The following RAB14 variants were observed in gnomAD, a reference collection of about 807,000 sequenced individuals.
The protein encoded by RAB14 is ras-related protein Rab-14.
In RAB14, 3 loss-of-function variants were observed where a neutral mutation model predicts 31.1. That is an observed-to-expected ratio of 0.10 (90% CI 0.04 to 0.25). The LOEUF (loss-of-function observed/expected upper bound fraction) is 0.25. RAB14 is among the 10% of genes least tolerant of loss of function. The pLI is 1.00. For missense variants in RAB14, 111 were observed against 260.1 expected (o/e 0.43, Z 3.94); for synonymous variants, 85 against 84.9 (o/e 1.00, Z 0.00).
rs1001880799 is a variant in RAB14 at position 121,178,187 on chromosome 9, G to A, written c.*3209C>T. Reference sequence around the variant, plus strand: ...ACAGTTATTTGGCTAGACGTGAACCGTTAAGATACGGGATCAATGGAGTTA... The same window carrying A: ...ACAGTTATTTGGCTAGACGTGAACCATTAAGATACGGGATCAATGGAGTTA... On this transcript the variant is annotated 3_prime_UTR_variant, in exon 8 of 8. Coordinates refer to ENST00000373840, the MANE Select transcript of RAB14 (RefSeq NM_016322.4). 2 of 152,196 alleles carry A rather than the reference G, an allele frequency of 1.3e-5. No individual in the cohort carries two copies. The highest frequency in any genetic ancestry group is 2.9e-5 in the Non-Finnish European group (2 of 68,042). 9.4% of individuals were successfully genotyped at this position (152,196 alleles called of 1,614,324 possible). A position where few individuals can be genotyped will look rare whatever the true frequency, so the allele number is the denominator to read the frequency against.
chr9:121,201,462 C>A (rs1274343618), intron 1 of RAB14, among the ~76,000 whole-genome samples, 177 bp downstream of exon 1: 2 of 152,046 alleles, frequency 1.3e-5, no homozygotes. Context: ...GGAGTCCTGT[C>A]AGGCCGGCGC....
Position 121,180,048 on chromosome 9 carries a change from T to C in RAB14, c.*1348A>G. 6.5e-6 allele frequency: 1 copy of C among 152,674 alleles called. No individual in the cohort carries two copies. Among genetic ancestry groups the C allele is most frequent in the East Asian group, 1.9e-4 (1 of 5,198 alleles). The allele number at this position is 152,674 out of a possible 1,614,324, so 9.5% of individuals were successfully genotyped here. A position where few individuals can be genotyped will look rare whatever the true frequency, so the allele number is the denominator to read the frequency against. On this transcript the variant is annotated 3_prime_UTR_variant, in exon 8 of 8. Transcript: ENST00000373840. ...TTAATTCAGTGGCCAAACCACCTGG[T>C]GCAAAGTAATAACTTACTTTGTATC...
In RAB14 at chr9:121,193,433, A is replaced by T. The variant is rs1281223249; in HGVS notation, c.-7-14T>A. 1 of 1,538,768 alleles carries T rather than the reference A, an allele frequency of 6.5e-7. No homozygotes were observed. The highest frequency in any genetic ancestry group is 1.4e-5 in the African/African-American group (1 of 71,126). On this transcript the variant is annotated splice_polypyrimidine_tract_variant and intron_variant, in intron 1 of 7. Coordinates refer to ENST00000373840, the MANE Select transcript of RAB14 (RefSeq NM_016322.4). The stretch of plus-strand genomic sequence containing the variant: ...GCCATGGTGGCACTAAAAACAAAGA[A>T]ATCTCTGTTACTTCAGAAGGAAAGC...
chr9:121,181,998 G>T (rs1483294309), intron 7 of RAB14, among the ~76,000 whole-genome samples: 1 of 152,028 alleles, frequency 6.6e-6, no homozygotes, highest in Non-Finnish European at 1.5e-5. Flanking sequence ...CGCCTGCCTT[G>T]GCTTCCCAAA....
intron 1 of RAB14, among the ~76,000 whole-genome samples, chr9:121,195,704 A>G (rs2053711580): frequency 6.6e-6 from 1 of 152,144 alleles, no homozygotes; most frequent in African/African-American, 2.4e-5. Flanking sequence ...TCGTTTCTTT[A>G]AAAATTACAA....
At chr9:121,189,733 G>A (rs945478027) in intron 4 of RAB14, among the ~76,000 whole-genome samples, 4 of 152,038 alleles carry the variant, frequency 2.6e-5, no homozygotes, top group African/African-American at 9.7e-5. Context: ...AACCTTTTAA[G>A]GCATTTTCCG....
At chr9:121,201,105 G>C (rs1588376823) in intron 1 of RAB14, among the ~76,000 whole-genome samples, 1 of 151,976 alleles carries the variant, frequency 6.6e-6, no homozygotes, top group South Asian at 2.1e-4. Flanking sequence ...TCCCCACATC[G>C]ACAAGGACAC....
At position 121,183,307 on chromosome 9, in the gene RAB14, T is replaced by G. The variant is rs2053643609; in HGVS notation, c.439+4A>C. 2 of 1,598,860 alleles carry G rather than the reference T, an allele frequency of 1.3e-6. No homozygotes were observed. The highest frequency in any genetic ancestry group is 1.1e-5 in the South Asian group (1 of 90,408). ...TGTGACCATTAAGTCTTAAAGAAACTCACCATTTTCTTCAGCAAACTGTTT... is the reference window on the plus strand; with the variant it reads ...TGTGACCATTAAGTCTTAAAGAAACGCACCATTTTCTTCAGCAAACTGTTT... On this transcript the variant is annotated splice_donor_region_variant and intron_variant, in intron 6 of 7. Coordinates refer to ENST00000373840, the MANE Select transcript of RAB14 (RefSeq NM_016322.4).
At chr9:121,188,429 A>G (rs2053669439) in intron 4 of RAB14, among the ~76,000 whole-genome samples, 1 of 151,866 alleles carries the variant, frequency 6.6e-6, no homozygotes, top group Non-Finnish European at 1.5e-5. Context: ...TACATGTACT[A>G]TAACTTCTGC....
At chr9:121,198,680 G>C (rs2053732340) in intron 1 of RAB14, among the ~76,000 whole-genome samples, 1 of 152,170 alleles carries the variant, frequency 6.6e-6, no homozygotes, top group Non-Finnish European at 1.5e-5. Context: ...AAACATATCT[G>C]TTAAGTATCT....
At chr9:121,189,559 T>C (rs1364775148) in intron 4 of RAB14, among the ~76,000 whole-genome samples, 1 of 152,104 alleles carries the variant, frequency 6.6e-6, no homozygotes, top group African/African-American at 2.4e-5. Context: ...TAATTATAAT[T>C]AGTCAATATC....
intron 6 of RAB14, 28 bp downstream of exon 6, chr9:121,183,283 G>T (rs1588366792): frequency 6.5e-7 from 1 of 1,534,528 alleles, no homozygotes; most frequent in Non-Finnish European, 9.0e-7. Context: ...TCTCCCAATT[G>T]TGACCATTAA....
chr9:121,182,414 C>T (rs2053638245), intron 7 of RAB14, among the ~76,000 whole-genome samples: 1 of 152,224 alleles, frequency 6.6e-6, no homozygotes, highest in South Asian at 2.1e-4. Flanking sequence ...AGCCTCTCCT[C>T]ACCACAAGAA....
In RAB14 at chr9:121,180,726, T is replaced by G. The variant is rs1377111555; in HGVS notation, c.*670A>C. Reference sequence around the variant, plus strand: ...TACACAGAATGTATTGTTAGTTCGATTCCTTCAAATTTTATACATATTTAC... The same window carrying G: ...TACACAGAATGTATTGTTAGTTCGAGTCCTTCAAATTTTATACATATTTAC... On this transcript the variant is annotated 3_prime_UTR_variant, in exon 8 of 8. Transcript: ENST00000373840. 1 of 152,670 alleles carries G rather than the reference T, an allele frequency of 6.6e-6. No homozygotes were observed. The highest frequency in any genetic ancestry group is 2.4e-5 in the African/African-American group (1 of 41,470). The allele number at this position is 152,670 out of a possible 1,614,324, so 9.5% of individuals were successfully genotyped here. A position where few individuals can be genotyped will look rare whatever the true frequency, so the allele number is the denominator to read the frequency against.
intron 5 of RAB14, among the ~76,000 whole-genome samples, chr9:121,186,310 C>T (rs1202055992): frequency 2.0e-5 from 3 of 152,156 alleles, no homozygotes; most frequent in South Asian, 2.1e-4. Flanking sequence ...CTTCAATCTA[C>T]TTTGCAGCAC....
At chr9:121,192,553 A>G (rs946867917) in intron 2 of RAB14, among the ~76,000 whole-genome samples, 2 of 151,870 alleles carry the variant, frequency 1.3e-5, no homozygotes, top group African/African-American at 4.8e-5. Context: ...TTTTTTCCTT[A>G]AACTCATGCA....
At chr9:121,184,837 A>G (rs1381476627) in intron 5 of RAB14, among the ~76,000 whole-genome samples, 1 of 152,254 alleles carries the variant, frequency 6.6e-6, no homozygotes, top group East Asian at 1.9e-4. Context: ...AAATCAATTT[A>G]TAAAAAATCA....
In RAB14 at chr9:121,191,103, C is replaced by G. The variant is rs7864786; in HGVS notation, c.107-372G>C. On this transcript the variant is annotated intron_variant, in intron 3 of 7. Transcript: ENST00000373840. Reference sequence around the variant, plus strand: ...TTTTATTCACAAAAACAGGCAGTGACTGGATTTGCCCCACTGGCCACCGTT... The same window carrying G: ...TTTTATTCACAAAAACAGGCAGTGAGTGGATTTGCCCCACTGGCCACCGTT... Among the ~76,000 whole-genome samples, 1,108 of 152,266 alleles carry G rather than the reference C, an allele frequency of 7.3e-3. 12 individuals carry two copies. Among genetic ancestry groups the G allele is most frequent in the African/African-American group, 0.025 (1,047 of 41,534 alleles).
chr9:121,192,598 G>C (rs2053692985), intron 2 of RAB14, among the ~76,000 whole-genome samples: 1 of 151,916 alleles, frequency 6.6e-6, no homozygotes, highest in Non-Finnish European at 1.5e-5. Flanking sequence ...GACAAATGGG[G>C]TAGCATGTAA....
Sources: gnomAD v4.1 joint callset for allele counts (sites outside exome capture counted in the v4.1 genomes callset) on GRCh38, gnomAD v4.1.1 for gene constraint, MANE v1.5 for transcripts, NCBI Gene and HGNC (gene_info 2026-07-23, HGNC 2026-07-21) for gene names.